NCAM2: variants seen among roughly 807,000 people sequenced by gnomAD.
NCAM2 encodes N-CAM-2.
In NCAM2, 30 loss-of-function variants were observed where a neutral mutation model predicts 98.1. The observed-to-expected ratio is 0.31, with a 90% CI of 0.23 to 0.41. The LOEUF is 0.41. Among genes scored for constraint, NCAM2 ranks in the 10% least tolerant of loss-of-function variants. The probability of loss-of-function intolerance (pLI) is 1.00; values close to 1 mark genes in which losing one functional copy is unlikely to be tolerated. For missense variants in NCAM2, 867 were observed against 1,005.8 expected (o/e 0.86, Z 1.87); for synonymous variants, 368 against 342.4 (o/e 1.07, Z -0.83).
At chr21:21,406,986 C>T (rs1347829226) in intron 9 of NCAM2, among the ~76,000 whole-genome samples, 1 of 151,984 alleles carries the variant, frequency 6.6e-6, no homozygotes, top group African/African-American at 2.4e-5. Context: ...CTCCTTTTTC[C>T]CCTGTATGTG....
chr21:21,017,510 T>G (rs1055132884), intron 1 of NCAM2, among the ~76,000 whole-genome samples: 7 of 151,208 alleles, frequency 4.6e-5, no homozygotes, highest in Admixed American at 2.0e-4. Flanking sequence ...GAGTGGTGAT[T>G]TGAAATGGAC....
chr21:21,407,964 G>A (rs1433089517), intron 9 of NCAM2, among the ~76,000 whole-genome samples: 1 of 152,064 alleles, frequency 6.6e-6, no homozygotes, highest in East Asian at 1.9e-4. Context: ...TTTCAATTTA[G>A]TTGAACTGTT....
At chr21:21,416,122 A>G (rs1239738588) in intron 10 of NCAM2, among the ~76,000 whole-genome samples, 1 of 152,190 alleles carries the variant, frequency 6.6e-6, no homozygotes, top group African/African-American at 2.4e-5. Context: ...CTCTTCCTTT[A>G]ACATGAACAC....
rs5842868 is a variant in NCAM2, at chr21:21,009,883, CTGTGTGTG to C, written c.55+11293_55+11300del. ...AAAATCCTCCTTTGGCCTCTGATAG[CTGTGTGTG>C]TGTGTGTGTGTGTGTGTGTGTGTGT... On this transcript the variant is annotated intron_variant, in intron 1 of 17. Coordinates refer to ENST00000400546, the MANE Select transcript of NCAM2 (RefSeq NM_004540.5). 1.5e-4 allele frequency among the ~76,000 whole-genome samples: 21 copies of C among 139,660 alleles called. 1 individual carries two copies. The highest frequency in any genetic ancestry group is 2.6e-4 in the Non-Finnish European group (17 of 64,842). 91.6% of individuals were successfully genotyped at this position (139,660 alleles called of 152,430 possible). A position where few individuals can be genotyped will look rare whatever the true frequency, so the allele number is the denominator to read the frequency against.
chr21:21,385,650 C>G lies in NCAM2; in HGVS notation c.1195+11637C>G, dbSNP rs758511875. ...TCTTCCAGTTCATTTTCAACATTTC[C>G]GAGGCGTTACTTTACTAAGAAGCAG... On this transcript the variant is annotated intron_variant, in intron 9 of 17. Coordinates refer to ENST00000400546, the MANE Select transcript of NCAM2 (RefSeq NM_004540.5). 5 of 1,286,904 alleles carry G rather than the reference C, an allele frequency of 3.9e-6. No individual in the cohort carries two copies. In the Admixed American group the frequency reaches 1.2e-4, roughly 30 times the overall value. 79.7% of individuals were successfully genotyped at this position (1,286,904 alleles called of 1,614,324 possible).
intron 5 of NCAM2, among the ~76,000 whole-genome samples, chr21:21,316,527 TTTATTC>T (rs1481522216): frequency 5.2e-5 from 7 of 135,104 alleles, no homozygotes; most frequent in African/African-American, 1.9e-4. Flanking sequence ...AATTTTATCT[TTTATTC>T]TTTTTTTTTT....
intron 11 of NCAM2, among the ~76,000 whole-genome samples, chr21:21,426,877 T>G (rs937924978): frequency 1.3e-5 from 2 of 152,236 alleles, no homozygotes; most frequent in Admixed American, 6.5e-5. Flanking sequence ...CAATTTCTTA[T>G]GATAAACAGG....
intron 12 of NCAM2, among the ~76,000 whole-genome samples, chr21:21,433,224 A>G (rs1478202368): frequency 1.3e-5 from 2 of 152,186 alleles, no homozygotes; most frequent in Non-Finnish European, 2.9e-5. Flanking sequence ...ATATACTTCA[A>G]ATAATGTTCT....
chr21:21,008,325 C>G (rs1262484094), intron 1 of NCAM2, among the ~76,000 whole-genome samples: 1 of 152,048 alleles, frequency 6.6e-6, no homozygotes, highest in East Asian at 1.9e-4. Flanking sequence ...ATCTTTACAC[C>G]AGGTAAAACT....
At chr21:21,249,669 C>A (rs1379793710) in intron 1 of NCAM2, among the ~76,000 whole-genome samples, 1 of 132,522 alleles carries the variant, frequency 7.5e-6, no homozygotes, top group African/African-American at 2.9e-5. Flanking sequence ...AGCACCCCCA[C>A]AATTATTTAT....
Position 21,108,358 on chromosome 21 carries a change from T to C in NCAM2, c.55+109740T>C, listed in dbSNP as rs186196418. ...CACGGTTTAATTTCTCTTGTAAAAG[T>C]TGAAAAATAGCAATCTAGAATACAT... is the stretch of plus-strand genomic sequence containing the variant. On this transcript the variant is annotated intron_variant, in intron 1 of 17. Coordinates refer to ENST00000400546, the MANE Select transcript of NCAM2 (RefSeq NM_004540.5). Among the ~76,000 whole-genome samples the C allele has an allele frequency of 4.0e-3, 611 of 152,186 alleles. 7 individuals are homozygous for C. The highest frequency in any genetic ancestry group is 0.014 in the African/African-American group (574 of 41,546).
intron 1 of NCAM2, among the ~76,000 whole-genome samples, chr21:21,134,159 C>T (rs2066993489): frequency 6.6e-6 from 1 of 151,836 alleles, no homozygotes; most frequent in Admixed American, 6.6e-5. Flanking sequence ...ACCTCCGCCT[C>T]CCGGGTCCAG....
chr21:21,365,738 A>G (rs2075769359), intron 8 of NCAM2, among the ~76,000 whole-genome samples: 1 of 152,042 alleles, frequency 6.6e-6, no homozygotes, highest in Non-Finnish European at 1.5e-5. Context: ...CAGCTCAAAT[A>G]AAAATTGTAT....
intron 16 of NCAM2, among the ~76,000 whole-genome samples, chr21:21,523,873 T>G (rs1989170091): frequency 6.6e-6 from 1 of 150,710 alleles, no homozygotes; most frequent in Non-Finnish European, 1.5e-5. Context: ...AGACAAAAAC[T>G]GAAATAAAGA....
chr21:21,382,110 T>G (rs1242168903), intron 9 of NCAM2, among the ~76,000 whole-genome samples: 1 of 152,198 alleles, frequency 6.6e-6, no homozygotes, highest in Non-Finnish European at 1.5e-5. Flanking sequence ...TCTAACTGCT[T>G]TAAAGCTATT....
intron 1 of NCAM2, among the ~76,000 whole-genome samples, chr21:21,076,227 T>C (rs925856640): frequency 6.6e-6 from 1 of 152,174 alleles, no homozygotes; most frequent in Admixed American, 6.5e-5. Context: ...TCTAGTACTT[T>C]TATGGGATTT....
intron 1 of NCAM2, among the ~76,000 whole-genome samples, chr21:21,157,601 A>T (rs2067654500): frequency 6.6e-6 from 1 of 152,148 alleles, no homozygotes; most frequent in East Asian, 1.9e-4. Flanking sequence ...ACACTTTGTA[A>T]TGTGTTCCCT....
chr21:21,049,802 C>A (rs184262008), intron 1 of NCAM2, among the ~76,000 whole-genome samples: 9 of 151,220 alleles, frequency 6.0e-5, no homozygotes, highest in Non-Finnish European at 2.9e-5. Context: ...ACCTGGGAGG[C>A]GGAGGTTGCA....
rs1460179429 is a variant in NCAM2, at chr21:21,145,490, T to C, written c.56-135088T>C. Among the ~76,000 whole-genome samples the C allele has an allele frequency of 2.0e-5, 3 of 152,160 alleles. No individual in the cohort carries two copies. In the East Asian group the frequency reaches 5.8e-4, roughly 29 times the overall value. ...CCATCAAAGTATGCAATATGTCTTA[T>C]AACAAATTAAATGTTGATCAAAACA... On this transcript the variant is annotated intron_variant, in intron 1 of 17. Coordinates refer to ENST00000400546, the MANE Select transcript of NCAM2 (RefSeq NM_004540.5).
Sources: gnomAD v4.1 joint callset for allele counts (sites outside exome capture counted in the v4.1 genomes callset) on GRCh38, gnomAD v4.1.1 for gene constraint, MANE v1.5 for transcripts, NCBI Gene and HGNC (gene_info 2026-07-23, HGNC 2026-07-21) for gene names.